NTRK3: variants seen among roughly 807,000 people sequenced by gnomAD.
NTRK3 encodes the protein neurotrophic receptor tyrosine kinase 3.
Under a neutral mutation model 91.7 loss-of-function variants are expected in NTRK3, and 24 were observed. The observed-to-expected ratio is 0.26, with a 90% CI of 0.19 to 0.37. The LOEUF (loss-of-function observed/expected upper bound fraction) is 0.37, where lower values mean the gene tolerates loss of function less well. Ranked by LOEUF, NTRK3 falls within the 10% of genes least tolerant of loss-of-function variation. The probability of loss-of-function intolerance (pLI) is 1.00; values close to 1 mark genes in which losing one functional copy is unlikely to be tolerated. For synonymous variants in NTRK3, 483 were observed against 404.0 expected (o/e 1.20, Z -2.34); for missense variants, 880 against 1,068.9 (o/e 0.82, Z 2.46).
At chr15:88,117,659 G>A (rs2052246027) in intron 13 of NTRK3, among the ~76,000 whole-genome samples, 1 of 152,192 alleles carries the variant, frequency 6.6e-6, no homozygotes. Context: ...TTTTCACTGG[G>A]CCACACAAAT....
intron 14 of NTRK3, among the ~76,000 whole-genome samples, chr15:87,954,150 A>T (rs913741809): frequency 6.6e-6 from 1 of 151,976 alleles, no homozygotes; most frequent in Admixed American, 6.6e-5. Flanking sequence ...GGGTTCAGGC[A>T]AGGCCCACGG....
At chr15:88,109,642 C>A (rs1039932749) in intron 13 of NTRK3, among the ~76,000 whole-genome samples, 2 of 151,898 alleles carry the variant, frequency 1.3e-5, no homozygotes, top group Non-Finnish European at 2.9e-5. Flanking sequence ...GGGGGCTGGG[C>A]GGGGGGCGTT....
At chr15:88,050,939 G>T (rs1212294058) in intron 13 of NTRK3, among the ~76,000 whole-genome samples, 1 of 152,134 alleles carries the variant, frequency 6.6e-6, no homozygotes, top group East Asian at 1.9e-4. Flanking sequence ...GAAACAATAT[G>T]ATAAGAGAGC....
chr15:88,236,514 TAAAAAAAAAA>T (rs60187446), intron 3 of NTRK3, among the ~76,000 whole-genome samples: 11 of 53,772 alleles, frequency 2.0e-4, no homozygotes, highest in Non-Finnish European at 4.0e-4. Context: ...CCTCTATTAT[TAAAAAAAAAA>T]AAAAAAAAAA....
chr15:88,048,800 G>A (rs2080504427), intron 13 of NTRK3, among the ~76,000 whole-genome samples: 1 of 152,176 alleles, frequency 6.6e-6, no homozygotes, highest in Non-Finnish European at 1.5e-5. Flanking sequence ...ACCAGGAAAG[G>A]AGATTTATCC....
intron 3 of NTRK3, among the ~76,000 whole-genome samples, chr15:88,222,914 G>A (rs1020058325): frequency 6.6e-6 from 1 of 152,186 alleles, no homozygotes; most frequent in African/African-American, 2.4e-5. Flanking sequence ...GAGACCAAGG[G>A]GTCCCTGAGG....
chr15:88,089,839 T>C (rs2048853002), intron 13 of NTRK3, among the ~76,000 whole-genome samples: 1 of 152,142 alleles, frequency 6.6e-6, no homozygotes, highest in Non-Finnish European at 1.5e-5. Flanking sequence ...TCCCCTGCGT[T>C]ACACCCTCCA....
intron 13 of NTRK3, among the ~76,000 whole-genome samples, chr15:88,080,017 G>T (rs1449329991): frequency 6.6e-6 from 1 of 152,084 alleles, no homozygotes; most frequent in African/African-American, 2.4e-5. Flanking sequence ...TATTTTTCAT[G>T]TCTTTACATA....
intron 5 of NTRK3, 117 bp from the exon 6 acceptor site, chr15:88,147,520 T>C (rs776156934): frequency 7.7e-5 from 27 of 352,114 alleles, no homozygotes; most frequent in African/African-American, 1.3e-4. Context: ...TTCTTCTTCT[T>C]CTTCTTCTTC....
intron 17 of NTRK3, among the ~76,000 whole-genome samples, chr15:87,909,772 G>A (rs1224946876): frequency 6.6e-6 from 1 of 152,080 alleles, no homozygotes; most frequent in Non-Finnish European, 1.5e-5. Context: ...ATAGGACTGG[G>A]GTCCTTATAA....
chr15:88,137,755 T>TA (rs2042012368), intron 6 of NTRK3, among the ~76,000 whole-genome samples, 194 bp from the exon 7 acceptor site: 2 of 152,144 alleles, frequency 1.3e-5, no homozygotes, highest in Non-Finnish European at 2.9e-5. Flanking sequence ...ACTCATTTTT[T>TA]TAAAAAAAGA....
rs571203729 is a variant in NTRK3 at position 88,004,033 on chromosome 15, G to GTCTAA, written c.1585+28819_1585+28823dup. On this transcript the variant is annotated intron_variant, in intron 14 of 18. Transcript: ENST00000394480. ...GACAGGACAATGAGCCTCTCTCTTGGTCTAACTGGCTTGCTTGGGGTACTT... is the reference window on the plus strand; with the variant it reads ...GACAGGACAATGAGCCTCTCTCTTGGTCTAATCTAACTGGCTTGCTTGGGGTACTT... Among the ~76,000 whole-genome samples, 461 of 152,238 alleles carry GTCTAA rather than the reference G, an allele frequency of 3.0e-3. 1 individual carries two copies. Among genetic ancestry groups the GTCTAA allele is most frequent in the African/African-American group, 0.01 (416 of 41,540 alleles).
intron 14 of NTRK3, among the ~76,000 whole-genome samples, chr15:87,947,685 G>T (rs2070704397): frequency 6.6e-6 from 1 of 152,148 alleles, no homozygotes; most frequent in Admixed American, 6.5e-5. Context: ...GAGATTCTTG[G>T]CAGGAGAGAA....
At chr15:87,894,717 A>G (rs184484962) in intron 17 of NTRK3, among the ~76,000 whole-genome samples, 64 of 152,212 alleles carry the variant, frequency 4.2e-4, no homozygotes, top group African/African-American at 1.5e-3. Context: ...AACTGTTGGT[A>G]TGTCTCAATA....
chr15:88,152,026 C>T (rs368920088), intron 5 of NTRK3, among the ~76,000 whole-genome samples: 11 of 152,168 alleles, frequency 7.2e-5, no homozygotes, highest in Admixed American at 2.0e-4. Context: ...CCCAGCCGGG[C>T]GCCGTGGCTC....
chr15:88,021,717 G>A (rs990490476), intron 14 of NTRK3, among the ~76,000 whole-genome samples: 3 of 152,190 alleles, frequency 2.0e-5, no homozygotes, highest in Non-Finnish European at 4.4e-5. Flanking sequence ...TGTAGGTAGA[G>A]CTTTGGTTTT....
chr15:88,256,276 G>GC lies in NTRK3; in HGVS notation c.-16+7dup. 4.7e-6 allele frequency: 1 copy of GC among 213,124 alleles called. No individual in the cohort carries two copies. Among genetic ancestry groups the GC allele is most frequent in the Non-Finnish European group, 9.1e-6 (1 of 110,082 alleles). The allele number at this position is 213,124 out of a possible 1,614,324, so 13.2% of individuals were successfully genotyped here. ...AGGGAGGGGGGAAGGGGGAGGGGGGGCCTCTGCCTTTGAAACGCCGAGCGA... is the reference window on the plus strand; with the variant it reads ...AGGGAGGGGGGAAGGGGGAGGGGGGGCCCTCTGCCTTTGAAACGCCGAGCGA... On this transcript the variant is annotated splice_region_variant and intron_variant, in intron 2 of 18. Coordinates refer to ENST00000394480, the Ensembl canonical transcript of NTRK3.
chr15:87,898,823 T>TAAAAAAAAA (rs34425235), intron 17 of NTRK3, among the ~76,000 whole-genome samples: 48 of 103,728 alleles, frequency 4.6e-4, no homozygotes, highest in Non-Finnish European at 5.8e-4. Context: ...CTGTCTCTAC[T>TAAAAAAAAA]AAAAAAAAAA....
intron 13 of NTRK3, among the ~76,000 whole-genome samples, chr15:88,104,743 A>C (rs1240940721): frequency 1.3e-5 from 2 of 152,204 alleles, no homozygotes; most frequent in Non-Finnish European, 2.9e-5. Flanking sequence ...CTATGACTTC[A>C]GGGGCAGTGA....
Sources: allele counts gnomAD v4.1 joint callset (sites outside exome capture counted in the v4.1 genomes callset), GRCh38; gene constraint gnomAD v4.1.1; transcripts MANE v1.5; gene names NCBI Gene and HGNC (gene_info 2026-07-23, HGNC 2026-07-21).